ATP13A3: variants seen among roughly 807,000 people sequenced by gnomAD.
ATP13A3 encodes the protein polyamine-transporting ATPase 13A3.
In ATP13A3, 59 loss-of-function variants were observed where a neutral mutation model predicts 158.1. That is an observed-to-expected ratio of 0.37 (90% confidence interval 0.30 to 0.46). The LOEUF is 0.46. Among genes scored for constraint, ATP13A3 ranks in the 20% least tolerant of loss-of-function variants. The probability of loss-of-function intolerance (pLI) is 1.00; values close to 1 mark genes in which losing one functional copy is unlikely to be tolerated. For synonymous variants in ATP13A3, 491 were observed against 504.3 expected (o/e 0.97, Z 0.35); for missense variants, 1,166 against 1,525.2 (o/e 0.76, Z 3.92).
intron 2 of ATP13A3, among the ~76,000 whole-genome samples, chr3:194,477,650 C>T (rs1012174343): frequency 1.3e-5 from 2 of 152,134 alleles, no homozygotes; most frequent in African/African-American, 4.8e-5. Flanking sequence ...TAGCTGTTAA[C>T]CTAAGATGAA....
intron 31 of ATP13A3, among the ~76,000 whole-genome samples, chr3:194,414,261 G>A (rs138776416): frequency 2.1e-3 from 327 of 152,240 alleles, no homozygotes; most frequent in Middle Eastern, 3.4e-3. Context: ...CTAGGAGTTT[G>A]AGCCTAGCCT....
upstream of ATP13A3, chr3:194,488,698 G>A (rs1721099893): frequency 6.6e-6 from 1 of 152,228 alleles, no homozygotes; most frequent in South Asian, 2.1e-4. The surrounding 1 kb of genome is among the most constrained non-coding windows in gnomAD (Gnocchi z 4.1). Flanking sequence ...GGTTTCAGAA[G>A]AGTGAACCCT....
chr3:194,457,047 C>T lies in ATP13A3; in HGVS notation c.560+47G>A, dbSNP rs191533127. ...AAAGGGTTGATTATGTATACTACTG[C>T]TTTTAGGAATTTTGAGAAGATCTAA... On this transcript the variant is annotated intron_variant, in intron 7 of 33. Coordinates refer to ENST00000645319, the MANE Select transcript of ATP13A3 (RefSeq NM_001367549.1). 19 of 1,439,302 alleles carry T rather than the reference C, an allele frequency of 1.3e-5. No homozygotes were observed. In the African/African-American group the frequency reaches 2.1e-4, roughly 16 times the overall value. The allele number at this position is 1,439,302 out of a possible 1,614,324, so 89.2% of individuals were successfully genotyped here.
intron 21 of ATP13A3, 40 bp from the exon 22 acceptor site, chr3:194,431,932 G>A (rs764556193): frequency 6.8e-7 from 1 of 1,473,424 alleles, no homozygotes; most frequent in South Asian, 1.4e-5. Flanking sequence ...AAATTAAAAT[G>A]GAAACGTGAA....
At chr3:194,409,825 C>A (rs1445850282) in intron 33 of ATP13A3, among the ~76,000 whole-genome samples, 2 of 148,388 alleles carry the variant, frequency 1.3e-5, no homozygotes, top group Admixed American at 6.9e-5. Context: ...CGATTGAGAA[C>A]CACGGCCTTA....
At chr3:194,474,384 G>A (rs1439033900) in intron 2 of ATP13A3, among the ~76,000 whole-genome samples, 1 of 152,090 alleles carries the variant, frequency 6.6e-6, no homozygotes, top group Non-Finnish European at 1.5e-5. Context: ...AAACACCTGG[G>A]CTCAAGGGAT....
At chr3:194,432,074 C>T (rs1466887032) in intron 21 of ATP13A3, 182 bp from the exon 22 acceptor site, 9 of 516,922 alleles carry the variant, frequency 1.7e-5, no homozygotes, top group Non-Finnish European at 2.9e-5. Flanking sequence ...CAAAAGAAGC[C>T]TCAAATAACG....
intron 2 of ATP13A3, among the ~76,000 whole-genome samples, chr3:194,463,365 G>A (rs1275068498): frequency 1.3e-5 from 2 of 149,894 alleles, no homozygotes; most frequent in Non-Finnish European, 3.0e-5. Context: ...GTAAAACGAT[G>A]CCAGTTTTCT....
intron 33 of ATP13A3, among the ~76,000 whole-genome samples, chr3:194,411,149 T>C (rs964513657): frequency 4.6e-5 from 7 of 151,896 alleles, no homozygotes; most frequent in Non-Finnish European, 1.0e-4. Context: ...CTGCAGGCCC[T>C]CTTAGAAAGC....
chr3:194,477,116 T>C (rs1319178416), intron 2 of ATP13A3, among the ~76,000 whole-genome samples: 1 of 152,190 alleles, frequency 6.6e-6, no homozygotes, highest in Admixed American at 6.5e-5. Flanking sequence ...TTATATAGAA[T>C]ATTCCTTCTG....
chr3:194,404,277 T>G lies in ATP13A3; in HGVS notation c.*1642A>C, dbSNP rs1397018955. Reference sequence around the variant, plus strand: ...ATTTGATGGAAAACTTCGATTATATTTTTGCAGGAATCATCAGTGGCAATA... The same window carrying G: ...ATTTGATGGAAAACTTCGATTATATGTTTGCAGGAATCATCAGTGGCAATA... On this transcript the variant is annotated 3_prime_UTR_variant, in exon 34 of 34. Transcript: ENST00000645319. 1 of 340,244 alleles carries G rather than the reference T, an allele frequency of 2.9e-6. No homozygotes were observed. The highest frequency in any genetic ancestry group is 5.7e-6 in the Non-Finnish European group (1 of 174,988). 21.1% of individuals were successfully genotyped at this position (340,244 alleles called of 1,614,324 possible). A position where few individuals can be genotyped will look rare whatever the true frequency, so the allele number is the denominator to read the frequency against.
intron 11 of ATP13A3, among the ~76,000 whole-genome samples, chr3:194,449,489 G>T (rs577872463): frequency 6.6e-6 from 1 of 152,274 alleles, no homozygotes; most frequent in African/African-American, 2.4e-5. Context: ...CGACCAGCCT[G>T]GCCAACGTGG....
chr3:194,438,928 T>G lies in ATP13A3; in HGVS notation c.1755A>C (p.Arg585=), dbSNP rs1052650462. ...ATEEETALHN[R]IMPTVVRPPK... ...GAGGACGAACCACTGTGGGCATAAT[T>G]CGATTATGAAGTGCTGTTTCTTCTT... The change falls in exon 17 of 34, where the codon CGA becomes CGC. Residue 585 remains arginine, a synonymous_variant. Coordinates refer to ENST00000645319, the MANE Select transcript of ATP13A3 (RefSeq NM_001367549.1). The G allele has an allele frequency of 3.1e-6, 5 of 1,609,898 alleles. No homozygotes were observed. Among genetic ancestry groups the G allele is most frequent in the Non-Finnish European group, 4.2e-6 (5 of 1,178,154 alleles).
chr3:194,459,496 T>C lies in ATP13A3; in HGVS notation c.454A>G (p.Thr152Ala), dbSNP rs766727740. The C allele has an allele frequency of 6.2e-7, 1 of 1,600,416 alleles. No homozygotes were observed. The highest frequency in any genetic ancestry group is 8.6e-7 in the Non-Finnish European group (1 of 1,168,072). Residue 152 changes from threonine to alanine, a missense_variant, in exon 6 of 34, where the codon ACC (threonine) becomes GCC (alanine). Thr to Ala is a moderately conservative substitution (Grantham distance 58). Coordinates refer to ENST00000645319, the MANE Select transcript of ATP13A3 (RefSeq NM_001367549.1). ...HHSVKYFWNDTIHNFDFLKGL... is the reference protein window; with the variant it reads ...HHSVKYFWNDAIHNFDFLKGL... ...TTTAAGAAATCAAAATTGTGAATGG[T>C]ATCATTCCAGAAATATTTTACACTA...
intron 27 of ATP13A3, 75 bp downstream of exon 27, chr3:194,429,603 T>C: frequency 8.6e-7 from 1 of 1,161,606 alleles, no homozygotes; most frequent in Non-Finnish European, 1.2e-6. Context: ...GCATTCAAAA[T>C]CAAACACATA....
intron 2 of ATP13A3, among the ~76,000 whole-genome samples, chr3:194,472,389 G>C (rs549840522): frequency 3.4e-4 from 51 of 152,216 alleles, no homozygotes; most frequent in African/African-American, 1.2e-3. Context: ...AAGGCAGATA[G>C]AATAATTTCT....
At chr3:194,455,070 A>G (rs1719126781) in intron 8 of ATP13A3, among the ~76,000 whole-genome samples, 1 of 152,238 alleles carries the variant, frequency 6.6e-6, no homozygotes, top group African/African-American at 2.4e-5. Context: ...AAAACTTTTA[A>G]CGAAATTGAA....
intron 33 of ATP13A3, among the ~76,000 whole-genome samples, chr3:194,408,803 T>C (rs1715140806): frequency 6.6e-6 from 1 of 152,110 alleles, no homozygotes; most frequent in Non-Finnish European, 1.5e-5. Flanking sequence ...AACACAAACA[T>C]ACCACACACA....
chr3:194,493,600 T>C (rs1278220155), intron 2 of ATP13A3, among the ~76,000 whole-genome samples: 1 of 152,074 alleles, frequency 6.6e-6, no homozygotes, highest in Non-Finnish European at 1.5e-5. Flanking sequence ...TGAGCTGAGA[T>C]CACGCCACTG....
Sources: gnomAD v4.1 joint callset for allele counts (sites outside exome capture counted in the v4.1 genomes callset) on GRCh38, gnomAD v4.1.1 for gene constraint, Gnocchi (gnomAD v3.1) non-coding constraint, MANE v1.5 for transcripts, NCBI Gene and HGNC (gene_info 2026-07-23, HGNC 2026-07-21) for gene names.